USP13: variants seen among roughly 807,000 people sequenced by gnomAD.
The protein encoded by USP13 is ubiquitin carboxyl-terminal hydrolase 13.
A neutral mutation model predicts 107.8 loss-of-function variants in USP13; 68 were observed. The ratio of observed to expected loss-of-function variants is 0.63; its 90% CI spans 0.52 to 0.77. The LOEUF is 0.77. USP13 is among the 30% of genes least tolerant of loss of function. The pLI is 0.00. For synonymous variants in USP13, 377 were observed against 389.5 expected, an observed-to-expected ratio of 0.97 and a Z score of 0.38; for missense variants, 945 against 1,093.3, an observed-to-expected ratio of 0.86 and a Z score of 1.91.
Position 179,682,005 on chromosome 3 carries a change from T to G in USP13, c.294+2T>G. The G allele has an allele frequency of 6.2e-7, 1 of 1,611,194 alleles. No homozygotes were observed. The highest frequency in any genetic ancestry group is 8.5e-7 in the Non-Finnish European group (1 of 1,178,372). On this transcript the variant is annotated splice_donor_variant, in intron 2 of 20. Coordinates refer to ENST00000263966, the MANE Select transcript of USP13 (RefSeq NM_003940.3). LOFTEE classifies it high-confidence loss of function. Reference sequence around the variant, plus strand: ...CACCTGAAAAGACATGTGCGAGAGGTGAGAGCGGCACTTTCAGAGAACTGG... The same window carrying G: ...CACCTGAAAAGACATGTGCGAGAGGGGAGAGCGGCACTTTCAGAGAACTGG...
chr3:179,763,740 C>T (rs1715079651), intron 17 of USP13, among the ~76,000 whole-genome samples: 1 of 152,100 alleles, frequency 6.6e-6, no homozygotes, highest in Non-Finnish European at 1.5e-5. Flanking sequence ...TGTGCACCAC[C>T]ATGCCCTGCT....
chr3:179,745,244 T>C (rs757752410), intron 13 of USP13, 27 bp downstream of exon 13: 1 of 1,331,310 alleles, frequency 7.5e-7, no homozygotes, highest in African/African-American at 2.2e-5. Context: ...GTGGTGGCAG[T>C]GGGGTGAGGA....
chr3:179,784,052 G>A lies in USP13; in HGVS notation c.2503G>A (p.Val835Met), dbSNP rs751788760. ...ATGCTTCTGTCTTATTTTCAGATGGGTGATTTACAATGACCACAAAGTTTG... is the reference window on the plus strand; with the variant it reads ...ATGCTTCTGTCTTATTTTCAGATGGATGATTTACAATGACCACAAAGTTTG... Reference protein sequence around the residue: ...ICHIKKEGRWVIYNDHKVCAS... With the variant: ...ICHIKKEGRWMIYNDHKVCAS... The change falls in exon 21 of 21, where the codon GTG (valine) becomes ATG (methionine). Residue 835 changes from valine (V) to methionine (M), a missense_variant. Transcript: ENST00000263966. 2.5e-6 allele frequency: 4 copies of A among 1,609,104 alleles called. No homozygotes were observed. In the African/African-American group the frequency reaches 4.0e-5, roughly 16 times the overall value.
chr3:179,714,894 A>T (rs1713057868), intron 6 of USP13, among the ~76,000 whole-genome samples: 2 of 129,326 alleles, frequency 1.5e-5, no homozygotes, highest in Non-Finnish European at 1.6e-5. Context: ...TGTTTGAGGC[A>T]GGGTCTCACT....
At chr3:179,658,009 T>G (rs1242894886) in intron 1 of USP13, among the ~76,000 whole-genome samples, 2 of 152,106 alleles carry the variant, frequency 1.3e-5, no homozygotes. Context: ...TTCCAGGTGG[T>G]CAGTTCCAGT....
chr3:179,704,146 G>C (rs1192877989), intron 4 of USP13, among the ~76,000 whole-genome samples: 1 of 152,180 alleles, frequency 6.6e-6, no homozygotes, highest in Non-Finnish European at 1.5e-5. Flanking sequence ...GGGCCTTTAA[G>C]TGATTTTGGA....
At chr3:179,679,356 ATGTT>A (rs1560045729) in intron 1 of USP13, among the ~76,000 whole-genome samples, 2 of 152,316 alleles carry the variant, frequency 1.3e-5, no homozygotes, top group South Asian at 2.1e-4. Context: ...ATAAACATCA[ATGTT>A]TGTTTTGATA....
intron 6 of USP13, among the ~76,000 whole-genome samples, chr3:179,711,273 C>T (rs142858348): frequency 1.3e-5 from 2 of 152,208 alleles, no homozygotes; most frequent in South Asian, 2.1e-4. Context: ...GGCTGGAGTG[C>T]GGTGGCGTGA....
chr3:179,662,932 C>T (rs903904014), intron 1 of USP13, among the ~76,000 whole-genome samples: 2 of 152,152 alleles, frequency 1.3e-5, no homozygotes, highest in Non-Finnish European at 2.9e-5. Flanking sequence ...TGTATGGTAT[C>T]ATCCATTCTA....
At chr3:179,774,083 T>C (rs115383989) in intron 19 of USP13, among the ~76,000 whole-genome samples, 113 of 152,242 alleles carry the variant, frequency 7.4e-4, no homozygotes, top group African/African-American at 2.6e-3. Flanking sequence ...GAAGAGGCCT[T>C]AGGAAGCTTT....
At chr3:179,704,534 C>T (rs1712645885) in intron 4 of USP13, among the ~76,000 whole-genome samples, 1 of 152,112 alleles carries the variant, frequency 6.6e-6, no homozygotes, top group Non-Finnish European at 1.5e-5. Context: ...CAGCTTAAAA[C>T]TCTCAACGCT....
intron 1 of USP13, among the ~76,000 whole-genome samples, chr3:179,655,933 A>G (rs908433182): frequency 2.6e-5 from 4 of 152,228 alleles, no homozygotes; most frequent in African/African-American, 9.6e-5. Context: ...CATCTCATAC[A>G]TGCATGACTG....
intron 1 of USP13, among the ~76,000 whole-genome samples, chr3:179,668,104 G>A (rs559646155): frequency 6.6e-6 from 1 of 152,264 alleles, no homozygotes; most frequent in African/African-American, 2.4e-5. Context: ...TGCAGAAAGG[G>A]AGACACCCAA....
At chr3:179,753,316 A>T (rs915929414) in intron 14 of USP13, among the ~76,000 whole-genome samples, 1 of 152,206 alleles carries the variant, frequency 6.6e-6, no homozygotes, top group Non-Finnish European at 1.5e-5. Context: ...CTGGGCTGTT[A>T]CTGATCCTGC....
Position 179,742,477 on chromosome 3 carries a change from C to CAG in USP13, c.1534+128_1534+129insGA. ...CCCAGCCCAGGTGATGTCTGCTTTG[C>CAG]ACATCTCTTTTCATCTCTTTGTTAG... On this transcript the variant is annotated intron_variant, in intron 12 of 20. Transcript: ENST00000263966. The surrounding 1 kb of genome is among the most constrained non-coding windows in gnomAD (Gnocchi z 5.0). 8.6e-7 allele frequency: 1 copy of CAG among 1,161,846 alleles called. No individual in the cohort carries two copies. The highest frequency in any genetic ancestry group is 1.6e-5 in the South Asian group (1 of 64,026). The allele number at this position is 1,161,846 out of a possible 1,614,324, so 72.0% of individuals were successfully genotyped here.
intron 6 of USP13, among the ~76,000 whole-genome samples, chr3:179,711,972 G>C (rs546053754): frequency 6.6e-6 from 1 of 152,226 alleles, no homozygotes; most frequent in South Asian, 2.1e-4. Context: ...TACAAGCATG[G>C]GAGTGATGTG....
At chr3:179,754,024 C>T (rs1714698593) in intron 14 of USP13, among the ~76,000 whole-genome samples, 1 of 152,138 alleles carries the variant, frequency 6.6e-6, no homozygotes, top group African/African-American at 2.4e-5. Flanking sequence ...CCACAGTACC[C>T]ATCATGATCT....
chr3:179,743,723 G>A (rs1714289302), intron 12 of USP13, among the ~76,000 whole-genome samples: 1 of 151,662 alleles, frequency 6.6e-6, no homozygotes, highest in African/African-American at 2.4e-5. Flanking sequence ...TCATTTATTA[G>A]TGATAACTAC....
chr3:179,665,086 C>G (rs1327039467), intron 1 of USP13, among the ~76,000 whole-genome samples: 1 of 149,886 alleles, frequency 6.7e-6, no homozygotes, highest in Non-Finnish European at 1.5e-5. Context: ...GACCTTGTCT[C>G]AAAAGAAAAA....
Sources: allele counts gnomAD v4.1 joint callset (sites outside exome capture counted in the v4.1 genomes callset), GRCh38; gene constraint gnomAD v4.1.1; non-coding constraint Gnocchi (gnomAD v3.1); transcripts MANE v1.5; gene names NCBI Gene and HGNC (gene_info 2026-07-23, HGNC 2026-07-21).